Variants in DLG4 observed in about 807,000 individuals in gnomAD.
DLG4 encodes discs large MAGUK scaffold protein 4.
Under a neutral mutation model 93.8 loss-of-function variants are expected in DLG4, and 7 were observed. The observed-to-expected ratio is 0.07, with a 90% CI of 0.04 to 0.14. The LOEUF (loss-of-function observed/expected upper bound fraction) is 0.14, where lower values mean the gene tolerates loss of function less well. DLG4 is among the 10% of genes least tolerant of loss of function. The pLI, the probability that DLG4 is intolerant of heterozygous loss-of-function variation, is 1.00. For synonymous variants in DLG4, 341 were observed against 387.6 expected, an observed-to-expected ratio of 0.88 and a Z score of 1.41; for missense variants, 545 against 992.9, an observed-to-expected ratio of 0.55 and a Z score of 6.06.
chr17:7,202,634 A>G, intron 8 of DLG4: 1 of 528,618 alleles, frequency 1.9e-6, no homozygotes, highest in East Asian at 2.9e-5. Flanking sequence ...AGAGCAGAAG[A>G]ATTATCTATT....
chr17:7,189,507 A>C lies in DLG4; in HGVS notation c.*1201T>G, dbSNP rs1290493558. 6.6e-6 allele frequency among the ~76,000 whole-genome samples: 1 copy of C among 151,720 alleles called. No homozygotes were observed. Among genetic ancestry groups the C allele is most frequent in the Non-Finnish European group, 1.5e-5 (1 of 68,010 alleles). ...CTGTCTCAAAAAAAAAAACAAAAAA[A>C]CAAAAAAAATCATTTCCAGATCCTA... On this transcript the variant is annotated 3_prime_UTR_variant, in exon 20 of 20. Transcript: ENST00000399506.
Position 7,190,671 on chromosome 17 carries a change from G to A in DLG4, c.*37C>T, listed in dbSNP as rs1294358018. On this transcript the variant is annotated 3_prime_UTR_variant, in exon 20 of 20. Transcript: ENST00000399506. ...AGTCCAGACCAAGGGCCCAGGTGATGGAGGCAGGGCGAGTCCAGGCCAAGC... is the reference window on the plus strand; with the variant it reads ...AGTCCAGACCAAGGGCCCAGGTGATAGAGGCAGGGCGAGTCCAGGCCAAGC... 1 of 1,538,470 alleles carries A rather than the reference G, an allele frequency of 6.5e-7. No individual in the cohort carries two copies. The highest frequency in any genetic ancestry group is 9.0e-7 in the Non-Finnish European group (1 of 1,111,282).
At position 7,191,780 on chromosome 17, in the gene DLG4, T is replaced by C; in HGVS notation, c.1976+113A>G. 1.3e-6 allele frequency: 1 copy of C among 748,236 alleles called. No homozygotes were observed. Among genetic ancestry groups the C allele is most frequent in the South Asian group, 2.4e-5 (1 of 40,878 alleles). The allele number at this position is 748,236 out of a possible 1,614,324, so 46.3% of individuals were successfully genotyped here. On this transcript the variant is annotated intron_variant, in intron 18 of 19. Coordinates refer to ENST00000399506, the MANE Select transcript of DLG4 (RefSeq NM_001321075.3). This position sits in a 1 kb window ranked among gnomAD's most constrained non-coding sequence, Gnocchi z 6.6. ...GGTTCCAGGGATCCCCCTCAGGGGCTGCTGAAACCGCTGTCCAGGGTTCTG... is the reference window on the plus strand; with the variant it reads ...GGTTCCAGGGATCCCCCTCAGGGGCCGCTGAAACCGCTGTCCAGGGTTCTG...
rs774615066 is a variant in DLG4, at chr17:7,203,392, G to T, written c.505+32C>A. The stretch of plus-strand genomic sequence containing the variant: ...GCAGGCTTGGGGGCACAGGACAGTT[G>T]GGATGGGGGTGGGAACAAAATGAGT... On this transcript the variant is annotated intron_variant, in intron 6 of 19. Coordinates refer to ENST00000399506, the MANE Select transcript of DLG4 (RefSeq NM_001321075.3). This position sits in a 1 kb window ranked among gnomAD's most constrained non-coding sequence, Gnocchi z 7.2. 1.8e-5 allele frequency: 28 copies of T among 1,594,372 alleles called. No homozygotes were observed. The highest frequency in any genetic ancestry group is 2.4e-5 in the Non-Finnish European group (28 of 1,164,196).
intron 1 of DLG4, chr17:7,213,818 C>T: frequency 2.1e-6 from 1 of 471,158 alleles, no homozygotes; most frequent in South Asian, 1.5e-5. Context: ...AGATTGACCC[C>T]GTTGATCGGC....
chr17:7,210,295 C>T (rs1012689983), intron 1 of DLG4, among the ~76,000 whole-genome samples: 1 of 152,218 alleles, frequency 6.6e-6, no homozygotes, highest in Middle Eastern at 3.4e-3. Flanking sequence ...CCTGTCAGCA[C>T]GAAAACTCTC....
chr17:7,200,863 T>G (rs1278124124), intron 8 of DLG4, among the ~76,000 whole-genome samples: 1 of 144,186 alleles, frequency 6.9e-6, no homozygotes, highest in Admixed American at 6.9e-5. Flanking sequence ...TTGGTTTTTT[T>G]TTTTTTTTTT....
rs1279482642 is a variant in DLG4, at chr17:7,187,570, A to G, written c.*3138T>C. ...TCCAATAATAATAATAATAATAATA[A>G]TAATAATACATGCAAAATTATGTGA... is the stretch of plus-strand genomic sequence containing the variant. On this transcript the variant is annotated 3_prime_UTR_variant, in exon 20 of 20. Transcript: ENST00000399506. Among the ~76,000 whole-genome samples, 3 of 151,274 alleles carry G rather than the reference A, an allele frequency of 2.0e-5. No homozygotes were observed. Among genetic ancestry groups the G allele is most frequent in the African/African-American group, 7.3e-5 (3 of 41,152 alleles).
Position 7,191,653 on chromosome 17 carries a change from G to GAT in DLG4, c.1976+239_1976+240insAT, listed in dbSNP as rs2142811276. On this transcript the variant is annotated intron_variant, in intron 18 of 19. Coordinates refer to ENST00000399506, the MANE Select transcript of DLG4 (RefSeq NM_001321075.3). This position sits in a 1 kb window ranked among gnomAD's most constrained non-coding sequence, Gnocchi z 6.6. Reference sequence around the variant, plus strand: ...AATTCCCAACAGCCCTAGAGGCCCTGACTCGCCCCAGCTGGTATGCCCCAG... The same window carrying GAT: ...AATTCCCAACAGCCCTAGAGGCCCTGATACTCGCCCCAGCTGGTATGCCCCAG... 5 of 587,742 alleles carry GAT rather than the reference G, an allele frequency of 8.5e-6. No individual in the cohort carries two copies. The South Asian group carries it at 1.1e-4, about 13-fold the overall frequency. The allele number at this position is 587,742 out of a possible 1,614,324, so 36.4% of individuals were successfully genotyped here.
rs1261391997 is a variant in DLG4, at chr17:7,191,767, C to T, written c.1976+126G>A. Reference sequence around the variant, plus strand: ...CCCACATCCTCTGGGTTCCAGGGATCCCCCTCAGGGGCTGCTGAAACCGCT... The same window carrying T: ...CCCACATCCTCTGGGTTCCAGGGATTCCCCTCAGGGGCTGCTGAAACCGCT... On this transcript the variant is annotated intron_variant, in intron 18 of 19. Coordinates refer to ENST00000399506, the MANE Select transcript of DLG4 (RefSeq NM_001321075.3). This position sits in a 1 kb window ranked among gnomAD's most constrained non-coding sequence, Gnocchi z 6.6. 1.8e-5 allele frequency: 12 copies of T among 669,126 alleles called. No homozygotes were observed. Among genetic ancestry groups the T allele is most frequent in the Non-Finnish European group, 2.3e-5 (9 of 397,594 alleles). 41.4% of individuals were successfully genotyped at this position (669,126 alleles called of 1,614,324 possible).
chr17:7,205,747 AGCCC>A (rs2070432890), intron 2 of DLG4, among the ~76,000 whole-genome samples: 1 of 13,886 alleles, frequency 7.2e-5, no homozygotes, highest in Non-Finnish European at 1.5e-4. Flanking sequence ...CCCATCCCGC[AGCCC>A]GTCCCCCATC....
chr17:7,197,576 C>T (rs915380329), intron 8 of DLG4, among the ~76,000 whole-genome samples: 1 of 152,010 alleles, frequency 6.6e-6, no homozygotes, highest in Non-Finnish European at 1.5e-5. Flanking sequence ...CCTCTGCCTC[C>T]CAGGTTCAAG....
chr17:7,213,873 C>A (rs1323002556), intron 1 of DLG4: 1 of 470,992 alleles, frequency 2.1e-6, no homozygotes, highest in Non-Finnish European at 4.4e-6. Context: ...GTCCTAGTTT[C>A]ATATCTGGTA....
At chr17:7,210,390 G>A (rs1567548987) in intron 1 of DLG4, among the ~76,000 whole-genome samples, 1 of 152,200 alleles carries the variant, frequency 6.6e-6, no homozygotes, top group Non-Finnish European at 1.5e-5. Context: ...GGCTCAGCAA[G>A]ATTGAGTCTA....
At chr17:7,216,815 TCTC>T (rs1041292365) in intron 1 of DLG4, among the ~76,000 whole-genome samples, 11 of 151,622 alleles carry the variant, frequency 7.3e-5, no homozygotes, top group African/African-American at 2.7e-4. Flanking sequence ...GAGCCAGGCT[TCTC>T]CTTAAATAAG....
Position 7,190,419 on chromosome 17 carries a change from T to G in DLG4, c.*289A>C. On this transcript the variant is annotated 3_prime_UTR_variant, in exon 20 of 20. Coordinates refer to ENST00000399506, the MANE Select transcript of DLG4 (RefSeq NM_001321075.3). ...AGGTGGCCCCCGGTGGGTCTGTGTG[T>G]GCATTGGGGGCAGGTGGGGGCGGGG... is the stretch of plus-strand genomic sequence containing the variant. 2.4e-6 allele frequency: 1 copy of G among 423,488 alleles called. No individual in the cohort carries two copies. Among genetic ancestry groups the G allele is most frequent in the East Asian group, 4.5e-5 (1 of 22,316 alleles). 26.2% of individuals were successfully genotyped at this position (423,488 alleles called of 1,614,324 possible). A position where few individuals can be genotyped will look rare whatever the true frequency, so the allele number is the denominator to read the frequency against.
At position 7,217,248 on chromosome 17, in the gene DLG4, A is replaced by C. The variant is rs998446241; in HGVS notation, c.-101T>G. 2 of 1,198,184 alleles carry C rather than the reference A, an allele frequency of 1.7e-6. No homozygotes were observed. Among genetic ancestry groups the C allele is most frequent in the Non-Finnish European group, 2.1e-6 (2 of 958,032 alleles). 74.2% of individuals were successfully genotyped at this position (1,198,184 alleles called of 1,614,324 possible). ...CTCACCCCTCCCCCCTCCGCACCCC[A>C]CTTTTGCAGGGGGGGCCAGGATGGG... On this transcript the variant is annotated 5_prime_UTR_variant, in exon 1 of 20. Coordinates refer to ENST00000399506, the MANE Select transcript of DLG4 (RefSeq NM_001321075.3).
At chr17:7,218,107 A>T, upstream of DLG4, 1 of 799,258 alleles carries the variant, frequency 1.3e-6, no homozygotes, top group Non-Finnish European at 2.0e-6. Flanking sequence ...TCGGTGCCCC[A>T]AGTCCCTGGG....
Position 7,217,624 on chromosome 17 carries a change from G to A in DLG4, c.-477C>T. 2 of 1,378,974 alleles carry A rather than the reference G, an allele frequency of 1.5e-6. No individual in the cohort carries two copies. The highest frequency in any genetic ancestry group is 1.3e-5 in the South Asian group (1 of 76,116). The allele number at this position is 1,378,974 out of a possible 1,614,324, so 85.4% of individuals were successfully genotyped here. ...GAGCCGAAGAGGGAAGGGGAGAGAG[G>A]AGGAGAGAGGAAGCAGGGGGAGGGA... On this transcript the variant is annotated 5_prime_UTR_variant, in exon 1 of 20. Coordinates refer to ENST00000399506, the MANE Select transcript of DLG4 (RefSeq NM_001321075.3).
Sources: allele counts gnomAD v4.1 joint callset (sites outside exome capture counted in the v4.1 genomes callset), GRCh38; gene constraint gnomAD v4.1.1; non-coding constraint Gnocchi (gnomAD v3.1); transcripts MANE v1.5; gene names NCBI Gene and HGNC (gene_info 2026-07-23, HGNC 2026-07-21).